LIN28B: variants seen among roughly 807,000 people sequenced by gnomAD.
LIN28B encodes protein lin-28 homolog B.
A neutral mutation model predicts 21.9 loss-of-function variants in LIN28B; 5 were observed. That is an observed-to-expected ratio of 0.23 (90% CI 0.12 to 0.48). The LOEUF is 0.48. Among genes scored for constraint, LIN28B ranks in the 20% least tolerant of loss-of-function variants. The pLI, the probability that LIN28B is intolerant of heterozygous loss-of-function variation, is 0.98. For missense variants in LIN28B, 245 were observed against 310.5 expected, an observed-to-expected ratio of 0.79 and a Z score of 1.58; for synonymous variants, 109 against 111.3, an observed-to-expected ratio of 0.98 and a Z score of 0.13.
intron 2 of LIN28B, among the ~76,000 whole-genome samples, chr6:104,966,156 A>G (rs573728544): frequency 2.6e-5 from 4 of 152,314 alleles, no homozygotes; most frequent in African/African-American, 7.2e-5. Context: ...CATAATTAGT[A>G]TTATAAAGGA....
intron 3 of LIN28B, among the ~76,000 whole-genome samples, chr6:105,059,907 AT>A (rs34165233): frequency 0.018 from 2,607 of 142,840 alleles, 61 homozygotes; most frequent in African/African-American, 0.059. Context: ...ATGTTACTGT[AT>A]TTTTTTTTTT....
chr6:105,026,728 A>G (rs1771294098), intron 3 of LIN28B, among the ~76,000 whole-genome samples: 1 of 152,112 alleles, frequency 6.6e-6, no homozygotes, highest in Non-Finnish European at 1.5e-5. Context: ...CTGTTCTGAG[A>G]CCCCAGTTGA....
chr6:105,004,054 G>T (rs1344312884), intron 2 of LIN28B, among the ~76,000 whole-genome samples: 3 of 152,170 alleles, frequency 2.0e-5, no homozygotes, highest in African/African-American at 7.2e-5. Flanking sequence ...TGAAGAACAT[G>T]GAGTCTGATG....
At chr6:105,023,836 G>T (rs1771229302) in intron 2 of LIN28B, among the ~76,000 whole-genome samples, 1 of 148,806 alleles carries the variant, frequency 6.7e-6, no homozygotes, top group Non-Finnish European at 1.5e-5. Flanking sequence ...TCACTTATAA[G>T]ATACCTATCA....
rs1276082093 is a variant in LIN28B, at chr6:105,012,693, CAA to C, written c.199-13602_199-13601del. On this transcript the variant is annotated intron_variant, in intron 2 of 3. Transcript: ENST00000345080. ...CATTGCTCAGTAGTATTGTACATAG[CAA>C]AAGTTGTTTATCTGTTCTATCATTG... Among the ~76,000 whole-genome samples, 6 of 152,086 alleles carry C rather than the reference CAA, an allele frequency of 3.9e-5. No individual in the cohort carries two copies. The East Asian group carries it at 1.2e-3, about 29-fold the overall frequency.
In LIN28B at chr6:105,063,642, G is replaced by C. The variant is rs565828014; in HGVS notation, c.384-14772G>C. ...CAGAGCAAGACTCCATCTCGGGGGG[G>C]GGGGGGAAAAAAAGGTAAAGTAAAG... is the stretch of plus-strand genomic sequence containing the variant. On this transcript the variant is annotated intron_variant, in intron 3 of 3. Transcript: ENST00000345080. 3.4e-5 allele frequency among the ~76,000 whole-genome samples: 5 copies of C among 145,634 alleles called. 1 individual carries two copies. The highest frequency in any genetic ancestry group is 2.1e-4 in the East Asian group (1 of 4,784).
chr6:104,962,381 G>A (rs1454813120), intron 2 of LIN28B, among the ~76,000 whole-genome samples: 2 of 151,678 alleles, frequency 1.3e-5, no homozygotes, highest in Non-Finnish European at 2.9e-5. Context: ...AAGTATTGGT[G>A]TTTTCTTCTT....
intron 2 of LIN28B, among the ~76,000 whole-genome samples, chr6:105,022,276 A>T (rs1161260830): frequency 6.6e-6 from 1 of 152,188 alleles, no homozygotes; most frequent in African/African-American, 2.4e-5. Context: ...TGCCTTCTGA[A>T]GATTCACTAA....
rs370035822 is a variant in LIN28B at position 104,963,203 on chromosome 6, C to T, written c.198+4917C>T. ...CTGGGACTACAGGCGCCCGCCACCA[C>T]GCCCGGCTAATTTTTTGTATTTTTA... is the stretch of plus-strand genomic sequence containing the variant. On this transcript the variant is annotated intron_variant, in intron 2 of 3. Coordinates refer to ENST00000345080, the MANE Select transcript of LIN28B (RefSeq NM_001004317.4). 7.1e-4 allele frequency among the ~76,000 whole-genome samples: 108 copies of T among 152,200 alleles called. 1 individual carries two copies. The East Asian group carries it at 0.019, about 26-fold the overall frequency.
At chr6:105,001,004 T>C (rs909211006) in intron 2 of LIN28B, among the ~76,000 whole-genome samples, 3 of 152,216 alleles carry the variant, frequency 2.0e-5, no homozygotes, top group Admixed American at 2.0e-4. Context: ...GACATTTATG[T>C]GTATATTTTA....
At chr6:104,940,354 T>G (rs1778065009) in intron 2 of LIN28B, 1 of 156,146 alleles carries the variant, frequency 6.4e-6, no homozygotes, top group East Asian at 1.9e-4. Flanking sequence ...GGGACCGCCA[T>G]GTGAGCTTCC....
At chr6:105,033,535 A>G (rs1771466323) in intron 3 of LIN28B, among the ~76,000 whole-genome samples, 1 of 152,070 alleles carries the variant, frequency 6.6e-6, no homozygotes, top group Non-Finnish European at 1.5e-5. Context: ...TGGTTACTCA[A>G]GGTAGTAAAT....
At chr6:104,950,346 C>T (rs954273754) in intron 2 of LIN28B, 1 of 508,480 alleles carries the variant, frequency 2.0e-6, no homozygotes, top group Admixed American at 4.4e-5. Context: ...GTTTACAGGT[C>T]TCTTCACAGA....
intron 2 of LIN28B, among the ~76,000 whole-genome samples, chr6:105,013,622 C>T (rs1422581932): frequency 2.0e-5 from 3 of 151,096 alleles, no homozygotes; most frequent in East Asian, 2.0e-4. Flanking sequence ...CCCAGCTACT[C>T]GAGAGATTGA....
At chr6:104,937,482 C>G (rs1778023789) in intron 2 of LIN28B, among the ~76,000 whole-genome samples, 1 of 151,948 alleles carries the variant, frequency 6.6e-6, no homozygotes, top group South Asian at 2.1e-4. Context: ...TCAGTCTGGT[C>G]TCCAACTCCT....
chr6:105,050,080 C>T (rs1771865449), intron 3 of LIN28B, among the ~76,000 whole-genome samples: 1 of 152,150 alleles, frequency 6.6e-6, no homozygotes, highest in Admixed American at 6.5e-5. Flanking sequence ...TTAGTTGATG[C>T]AGTTTCTTCC....
At position 105,081,410 on chromosome 6, in the gene LIN28B, A is replaced by C. The variant is rs1308888679; in HGVS notation, c.*2627A>C. On this transcript the variant is annotated 3_prime_UTR_variant, in exon 4 of 4. Transcript: ENST00000345080. ...ACACATTGTTCATTTACATAGGTAA[A>C]ATATTACTCTGTTTACAGCAAAAGG... 6.6e-6 allele frequency: 1 copy of C among 152,624 alleles called. No homozygotes were observed. Among genetic ancestry groups the C allele is most frequent in the Non-Finnish European group, 1.5e-5 (1 of 68,052 alleles). The allele number at this position is 152,624 out of a possible 1,614,324, so 9.5% of individuals were successfully genotyped here. A position where few individuals can be genotyped will look rare whatever the true frequency, so the allele number is the denominator to read the frequency against.
At chr6:104,955,497 T>C (rs887770474), upstream of LIN28B, among the ~76,000 whole-genome samples, 14 of 152,244 alleles carry the variant, frequency 9.2e-5, no homozygotes, top group African/African-American at 3.4e-4. Context: ...CTATTTTTTA[T>C]ACATCCATTT....
At chr6:105,023,890 G>T (rs1460183081) in intron 2 of LIN28B, among the ~76,000 whole-genome samples, 1 of 151,070 alleles carries the variant, frequency 6.6e-6, no homozygotes, top group Non-Finnish European at 1.5e-5. Context: ...AAGTATACCA[G>T]CTTAATTGAG....
Sources: gnomAD v4.1 joint callset for allele counts (sites outside exome capture counted in the v4.1 genomes callset) on GRCh38, gnomAD v4.1.1 for gene constraint, MANE v1.5 for transcripts, NCBI Gene and HGNC (gene_info 2026-07-23, HGNC 2026-07-21) for gene names.